Variants in LUC7L2 observed in about 807,000 individuals in gnomAD.
LUC7L2 encodes the protein putative RNA-binding protein Luc7-like 2.
In LUC7L2, 25 loss-of-function variants were observed where a neutral mutation model predicts 52.8. That is an observed-to-expected ratio of 0.47 (90% CI 0.34 to 0.66). LUC7L2 has a LOEUF of 0.66. Ranked by LOEUF, LUC7L2 falls within the 30% of genes least tolerant of loss-of-function variation. The probability of loss-of-function intolerance (pLI) is 0.01; values close to 1 mark genes in which losing one functional copy is unlikely to be tolerated. For missense variants in LUC7L2, 328 were observed against 497.8 expected (o/e 0.66, Z 3.25); for synonymous variants, 144 against 160.9 (o/e 0.89, Z 0.80).
intron 4 of LUC7L2, among the ~76,000 whole-genome samples, chr7:139,402,835 G>A (rs568295327): frequency 6.6e-6 from 1 of 152,218 alleles, no homozygotes; most frequent in East Asian, 1.9e-4. Flanking sequence ...GCTCTCTGCA[G>A]TTTAATCACA....
intron 1 of LUC7L2, among the ~76,000 whole-genome samples, chr7:139,350,368 G>A (rs988020303): frequency 1.3e-5 from 2 of 151,892 alleles, no homozygotes; most frequent in Admixed American, 6.6e-5. Flanking sequence ...TGATCCACCC[G>A]CCTCGACCTC....
chr7:139,347,310 G>A (rs749865012), intron 1 of LUC7L2, among the ~76,000 whole-genome samples: 10 of 151,576 alleles, frequency 6.6e-5, no homozygotes, highest in South Asian at 4.2e-4. Flanking sequence ...AGTTCAAGCC[G>A]GGTGTGGTGG....
chr7:139,353,764 G>C (rs1173258897), intron 1 of LUC7L2, among the ~76,000 whole-genome samples: 3 of 151,916 alleles, frequency 2.0e-5, no homozygotes, highest in Non-Finnish European at 4.4e-5. Context: ...CTGCACTCCA[G>C]CCTGGTGACA....
chr7:139,378,152 C>G (rs896148271), intron 2 of LUC7L2, among the ~76,000 whole-genome samples: 1 of 151,950 alleles, frequency 6.6e-6, no homozygotes, highest in South Asian at 2.1e-4. Context: ...CTAACATTTT[C>G]GTAATTATTT....
chr7:139,379,643 C>T (rs1800896294), intron 2 of LUC7L2, among the ~76,000 whole-genome samples: 1 of 137,056 alleles, frequency 7.3e-6, no homozygotes, highest in Non-Finnish European at 1.5e-5. Context: ...GATCTCGGCT[C>T]ACTGCAACCT....
intron 1 of LUC7L2, among the ~76,000 whole-genome samples, chr7:139,352,321 C>T (rs1799483030): frequency 6.6e-6 from 1 of 152,054 alleles, no homozygotes; most frequent in Admixed American, 6.6e-5. Context: ...GAGACACCTT[C>T]TCTACAAAAA....
intron 8 of LUC7L2, among the ~76,000 whole-genome samples, chr7:139,414,839 C>T (rs1795516809): frequency 7.0e-6 from 1 of 143,870 alleles, no homozygotes; most frequent in Admixed American, 6.8e-5. Flanking sequence ...CTGCTTATTC[C>T]GTATAAATAT....
intron 1 of LUC7L2, among the ~76,000 whole-genome samples, chr7:139,354,258 G>T (rs953520505): frequency 6.6e-6 from 1 of 152,220 alleles, no homozygotes; most frequent in Non-Finnish European, 1.5e-5. Flanking sequence ...AATCATTAAA[G>T]AGCTAATAAA....
intron 4 of LUC7L2, among the ~76,000 whole-genome samples, chr7:139,404,947 A>G (rs1326591150): frequency 3.9e-5 from 6 of 152,254 alleles, no homozygotes; most frequent in Admixed American, 2.6e-4. Context: ...TGATCCACCA[A>G]TTCATTTCTT....
In LUC7L2 at chr7:139,341,717, G is replaced by C. The variant is rs552649389; in HGVS notation, c.-26+1200G>C. On this transcript the variant is annotated intron_variant, in intron 1 of 10. Coordinates refer to the LUC7L2 transcript ENST00000541170. ...TAAACTCGGGGACCAAAGGACCAGC[G>C]GGGGGGGGCGCAGAGTCGCTCTGGG... Among the ~76,000 whole-genome samples, 11 of 140,730 alleles carry C rather than the reference G, an allele frequency of 7.8e-5. No homozygotes were observed. The East Asian group carries it at 2.0e-3, about 26-fold the overall frequency. 92.3% of individuals were successfully genotyped at this position (140,730 alleles called of 152,430 possible).
chr7:139,352,496 A>T (rs192088612), intron 1 of LUC7L2, among the ~76,000 whole-genome samples: 1 of 152,300 alleles, frequency 6.6e-6, no homozygotes, highest in East Asian at 1.9e-4. Context: ...ACCCCATCTC[A>T]AAGATATAAA....
At chr7:139,376,688 ATCG>A (rs1001103585) in intron 2 of LUC7L2, among the ~76,000 whole-genome samples, 3 of 152,330 alleles carry the variant, frequency 2.0e-5, no homozygotes, top group African/African-American at 7.2e-5. Context: ...TTAGAGTATC[ATCG>A]TTTTAATTTG....
intron 1 of LUC7L2, among the ~76,000 whole-genome samples, chr7:139,370,528 G>A (rs1001698965): frequency 1.5e-4 from 23 of 152,286 alleles, no homozygotes; most frequent in African/African-American, 4.6e-4. Context: ...TGCTATCTCA[G>A]CTCACTGCAA....
intron 1 of LUC7L2, 29 bp downstream of exon 1, chr7:139,360,351 G>T: frequency 6.5e-7 from 1 of 1,548,046 alleles, no homozygotes. Context: ...CCTGGGGGTG[G>T]GGGAGGGGAC....
Position 139,422,491 on chromosome 7 carries a change from C to G in LUC7L2, c.*151C>G. The stretch of plus-strand genomic sequence containing the variant: ...GTATCTAACTTGATCTGAACTGAAC[C>G]TGTTTTCCTTGATGATGCCTAAAAC... On this transcript the variant is annotated 3_prime_UTR_variant, in exon 10 of 10. Transcript: ENST00000354926. The G allele has an allele frequency of 3.0e-6, 4 of 1,336,610 alleles. No individual in the cohort carries two copies. The South Asian group carries it at 7.1e-5, about 24-fold the overall frequency. The allele number at this position is 1,336,610 out of a possible 1,614,324, so 82.8% of individuals were successfully genotyped here. A position where few individuals can be genotyped will look rare whatever the true frequency, so the allele number is the denominator to read the frequency against.
intron 8 of LUC7L2, 80 bp from the exon 9 acceptor site, chr7:139,417,458 T>C: frequency 6.6e-7 from 1 of 1,521,658 alleles, no homozygotes. Context: ...AAAAAAAGTT[T>C]CTCTTTAAAG....
At chr7:139,383,723 CT>C (rs149098259) in intron 2 of LUC7L2, among the ~76,000 whole-genome samples, 26 of 142,458 alleles carry the variant, frequency 1.8e-4, no homozygotes, top group South Asian at 4.4e-4. Flanking sequence ...GCCTTGATGT[CT>C]TTTTTTTTTT....
chr7:139,419,731 A>C (rs1448579485), intron 9 of LUC7L2, among the ~76,000 whole-genome samples: 1 of 152,136 alleles, frequency 6.6e-6, no homozygotes, highest in African/African-American at 2.4e-5. Context: ...GTTGTATAGG[A>C]ATTTTTCCAC....
At chr7:139,397,332 AG>A (rs1387162324) in intron 2 of LUC7L2, among the ~76,000 whole-genome samples, 1 of 152,200 alleles carries the variant, frequency 6.6e-6, no homozygotes, top group Non-Finnish European at 1.5e-5. Flanking sequence ...CATCCCAAGT[AG>A]GCCCCCATAA....
Sources: allele counts gnomAD v4.1 joint callset (sites outside exome capture counted in the v4.1 genomes callset), GRCh38; gene constraint gnomAD v4.1.1; transcripts MANE v1.5; gene names NCBI Gene and HGNC (gene_info 2026-07-23, HGNC 2026-07-21).